GRM5: variants seen among roughly 807,000 people sequenced by gnomAD.
GRM5 encodes glutamate metabotropic receptor 5, also known as metabotropic glutamate receptor 5.
GRM5 carries 19 observed loss-of-function variants against 83.1 expected under a neutral mutation model. That is an observed-to-expected ratio of 0.23 (90% CI 0.16 to 0.34). GRM5 has a LOEUF of 0.34. GRM5 is among the 10% of genes least tolerant of loss of function. The pLI is 1.00. For synonymous variants in GRM5, 675 were observed against 633.6 expected (o/e 1.07, Z -0.98); for missense variants, 1,160 against 1,588.3 (o/e 0.73, Z 4.58).
At chr11:88,866,783 T>C (rs1275016742) in intron 2 of GRM5, among the ~76,000 whole-genome samples, 2 of 152,190 alleles carry the variant, frequency 1.3e-5, no homozygotes, top group African/African-American at 2.4e-5. Flanking sequence ...TCTTTGCCCA[T>C]GCCTATGTCC....
At chr11:88,609,292 G>A (rs1237486299) in intron 4 of GRM5, among the ~76,000 whole-genome samples, 1 of 152,138 alleles carries the variant, frequency 6.6e-6, no homozygotes, top group African/African-American at 2.4e-5. Context: ...TAATGGTTTT[G>A]GGCTTGATCT....
intron 4 of GRM5, among the ~76,000 whole-genome samples, chr11:88,614,966 G>A (rs1430785340): frequency 1.3e-5 from 2 of 152,108 alleles, no homozygotes; most frequent in Non-Finnish European, 2.9e-5. Flanking sequence ...GAAAACAAAT[G>A]GCAACGATAT....
chr11:88,987,550 G>A (rs1370381330), intron 2 of GRM5, among the ~76,000 whole-genome samples: 33 of 152,108 alleles, frequency 2.2e-4, no homozygotes, highest in African/African-American at 8.0e-4. Flanking sequence ...CTCCACCTCT[G>A]GGGGCAGGGC....
At chr11:88,867,185 A>G (rs1944685337) in intron 2 of GRM5, among the ~76,000 whole-genome samples, 2 of 151,824 alleles carry the variant, frequency 1.3e-5, no homozygotes, top group Non-Finnish European at 2.9e-5. Flanking sequence ...TCTTGGCCCT[A>G]CAGGCTCTTT....
intron 3 of GRM5, among the ~76,000 whole-genome samples, chr11:88,655,729 T>C (rs1939751049): frequency 6.9e-6 from 1 of 145,756 alleles, no homozygotes; most frequent in Non-Finnish European, 1.5e-5. Context: ...TAGAAAACTA[T>C]GATGTTTTAT....
chr11:89,045,519 G>C (rs1356732934), intron 2 of GRM5, among the ~76,000 whole-genome samples: 1 of 152,106 alleles, frequency 6.6e-6, no homozygotes. Context: ...TCATTACCTA[G>C]TAGAATGTCT....
chr11:88,975,193 A>C (rs185759030), intron 2 of GRM5, among the ~76,000 whole-genome samples: 1 of 152,310 alleles, frequency 6.6e-6, no homozygotes, highest in East Asian at 1.9e-4. Context: ...CAAATATATC[A>C]TATAAAGTAT....
chr11:88,691,416 T>C (rs1266939775), intron 3 of GRM5, among the ~76,000 whole-genome samples: 1 of 152,182 alleles, frequency 6.6e-6, no homozygotes, highest in Non-Finnish European at 1.5e-5. Context: ...AAACTTAAAG[T>C]GACCTTCTTA....
intron 3 of GRM5, among the ~76,000 whole-genome samples, chr11:88,813,955 A>AT (rs1158019121): frequency 6.6e-6 from 1 of 151,080 alleles, no homozygotes; most frequent in Non-Finnish European, 1.5e-5. Context: ...AATTCAAAAG[A>AT]TAAAAAAAAA....
intron 2 of GRM5, among the ~76,000 whole-genome samples, chr11:88,980,056 T>A (rs887523050): frequency 6.6e-6 from 1 of 152,218 alleles, no homozygotes; most frequent in Non-Finnish European, 1.5e-5. Context: ...TCTGAAGATA[T>A]GATCATTGGG....
chr11:88,880,692 A>G (rs927495134), intron 2 of GRM5, among the ~76,000 whole-genome samples: 2 of 152,182 alleles, frequency 1.3e-5, no homozygotes, highest in African/African-American at 4.8e-5. Context: ...TGTGGCTTCA[A>G]AAATTTGTTA....
chr11:88,957,502 G>A (rs7101667), intron 2 of GRM5, among the ~76,000 whole-genome samples: 16 of 152,258 alleles, frequency 1.1e-4, no homozygotes, highest in African/African-American at 3.9e-4. Flanking sequence ...TAAACAACGG[G>A]GATGAAGATA....
intron 3 of GRM5, among the ~76,000 whole-genome samples, chr11:88,778,334 G>T (rs1942902339): frequency 1.3e-5 from 2 of 152,214 alleles, no homozygotes; most frequent in Admixed American, 6.5e-5. Flanking sequence ...TGGCAGGAGT[G>T]TCCCGTTTTT....
intron 2 of GRM5, among the ~76,000 whole-genome samples, chr11:88,992,243 G>A (rs1940003137): frequency 6.6e-6 from 1 of 152,096 alleles, no homozygotes; most frequent in Non-Finnish European, 1.5e-5. Context: ...AGACATTTAT[G>A]CAGCCAAAAA....
rs1253524212 is a variant in GRM5 at position 88,864,093 on chromosome 11, G to C, written c.662-13938C>G. On this transcript the variant is annotated intron_variant, in intron 2 of 9. Transcript: ENST00000305447. ...TAATTTAAATGTGACCCTGCAGAAG[G>C]AGTTGACTTTGGCATTCTAGATGGA... 1.3e-4 allele frequency among the ~76,000 whole-genome samples: 19 copies of C among 147,460 alleles called. 1 individual carries two copies. Among genetic ancestry groups the C allele is most frequent in the Admixed American group, 9.0e-4 (13 of 14,416 alleles).
At chr11:88,913,575 TTC>T (rs1195011629) in intron 2 of GRM5, among the ~76,000 whole-genome samples, 5 of 141,960 alleles carry the variant, frequency 3.5e-5, no homozygotes, top group African/African-American at 1.0e-4. Context: ...TTTTTTTTCC[TTC>T]TCTCTCTCTC....
chr11:88,853,461 T>G (rs1282905915), intron 2 of GRM5, among the ~76,000 whole-genome samples: 1 of 151,996 alleles, frequency 6.6e-6, no homozygotes, highest in African/African-American at 2.4e-5. Flanking sequence ...AGGGAATTAT[T>G]TGATGCTAAA....
At chr11:88,835,474 C>A (rs980742995) in intron 3 of GRM5, among the ~76,000 whole-genome samples, 5 of 152,144 alleles carry the variant, frequency 3.3e-5, no homozygotes, top group Non-Finnish European at 5.9e-5. Flanking sequence ...CTAGTTGTTA[C>A]ATATTTTAAA....
intron 7 of GRM5, among the ~76,000 whole-genome samples, chr11:88,573,024 C>T (rs1943036233): frequency 6.6e-6 from 1 of 152,068 alleles, no homozygotes; most frequent in African/African-American, 2.4e-5. Flanking sequence ...GCAGATGAAA[C>T]ATGGATTAGA....
Sources: allele counts gnomAD v4.1 joint callset (sites outside exome capture counted in the v4.1 genomes callset), GRCh38; gene constraint gnomAD v4.1.1; transcripts MANE v1.5; gene names NCBI Gene and HGNC (gene_info 2026-07-23, HGNC 2026-07-21).